SLC25A43: variants seen among roughly 807,000 people sequenced by gnomAD.
SLC25A43 encodes solute carrier family 25, member 43.
In SLC25A43, 10 loss-of-function variants were observed where a neutral mutation model predicts 22.8. The observed-to-expected ratio is 0.44, with a 90% confidence interval of 0.27 to 0.74. The LOEUF is 0.74. Ranked by LOEUF, SLC25A43 falls within the 30% of genes least tolerant of loss-of-function variation. The probability of loss-of-function intolerance (pLI) is 0.17; values close to 1 mark genes in which losing one functional copy is unlikely to be tolerated. For synonymous variants in SLC25A43, 106 were observed against 121.6 expected (o/e 0.87, Z 0.84); for missense variants, 233 against 279.1 (o/e 0.83, Z 1.18).
intron 1 of SLC25A43, among the ~76,000 whole-genome samples, chrX:119,401,828 G>A (rs1382431152): frequency 9.1e-6 from 1 of 110,241 alleles, no homozygotes; most frequent in African/African-American, 3.3e-5. Flanking sequence ...AGTGGAGACA[G>A]CAGGGCCAGT....
chrX:119,414,331 AT>A (rs1358131242), intron 3 of SLC25A43, among the ~76,000 whole-genome samples: 1 of 111,423 alleles, frequency 9.0e-6, no homozygotes, highest in African/African-American at 3.3e-5. Flanking sequence ...CATTTCATAT[AT>A]TTTTCCCAGT....
At chrX:119,451,987 C>T (rs1049498725) in intron 3 of SLC25A43, 22 bp from the exon 4 acceptor site, 28 of 1,208,224 alleles carry the variant, frequency 2.3e-5, no homozygotes, top group Non-Finnish European at 3.0e-5. Context: ...ATCACCTCAT[C>T]CCAGCTTCTG....
intron 3 of SLC25A43, among the ~76,000 whole-genome samples, chrX:119,445,598 G>A (rs1232681940): frequency 1.8e-5 from 2 of 111,953 alleles, no homozygotes; most frequent in Admixed American, 9.5e-5. Flanking sequence ...GGATCCTGGA[G>A]TACAGATTGC....
At position 119,399,367 on chromosome X, in the gene SLC25A43, C is replaced by T. The variant is rs1410936483; in HGVS notation, c.-37C>T. ...GCCCGTGGCCGGAGAGCCCCAGGCC[C>T]GAGCCACGCGGTCTTCCGGGCCCGG... is the stretch of plus-strand genomic sequence containing the variant. On this transcript the variant is annotated 5_prime_UTR_variant, in exon 1 of 5. Transcript: ENST00000217909. The T allele has an allele frequency of 1.1e-6, 1 of 950,290 alleles. No homozygotes were observed. The highest frequency in any genetic ancestry group is 1.3e-6 in the Non-Finnish European group (1 of 757,616). The allele number at this position is 950,290 out of a possible 1,213,427, so 78.3% of individuals were successfully genotyped here. A position where few individuals can be genotyped will look rare whatever the true frequency, so the allele number is the denominator to read the frequency against.
intron 1 of SLC25A43, among the ~76,000 whole-genome samples, chrX:119,404,820 T>TAA (rs36122726): frequency 6.2e-4 from 63 of 102,028 alleles, no homozygotes; most frequent in Middle Eastern, 4.9e-3. Context: ...GCTGATGAGC[T>TAA]AAAAAAAAAA....
At chrX:119,408,307 C>T (rs768582328) in intron 2 of SLC25A43, among the ~76,000 whole-genome samples, 2 of 111,697 alleles carry the variant, frequency 1.8e-5, no homozygotes, top group Non-Finnish European at 3.8e-5. Flanking sequence ...CTGTCAAAGT[C>T]TGATGAACTC....
At chrX:119,430,474 G>A (rs1215568589) in intron 3 of SLC25A43, among the ~76,000 whole-genome samples, 2 of 111,822 alleles carry the variant, frequency 1.8e-5, no homozygotes, top group African/African-American at 6.5e-5. Context: ...CAGGGGGACC[G>A]AGTCCAAACA....
Position 119,399,655 on chromosome X carries a change from C to G in SLC25A43, c.252C>G (p.Ala84=). 6.1e-6 allele frequency: 6 copies of G among 981,273 alleles called. No homozygotes were observed. The highest frequency in any genetic ancestry group is 7.7e-6 in the Non-Finnish European group (6 of 782,352). The allele number at this position is 981,273 out of a possible 1,213,427, so 80.9% of individuals were successfully genotyped here. ...VACLRLFPCS[A]VQLAAYRKFV... ...GCCTGCGCCTCTTCCCCTGCAGCGC[C>G]GTGCAGCTCGCCGCCTACCGCAAGT... Residue 84 remains alanine, a synonymous_variant, in exon 1 of 5, where the codon GCC becomes GCG. Transcript: ENST00000217909.
intron 3 of SLC25A43, among the ~76,000 whole-genome samples, chrX:119,433,222 G>A (rs2052569473): frequency 8.9e-6 from 1 of 112,285 alleles, no homozygotes; most frequent in Non-Finnish European, 1.9e-5. Flanking sequence ...GGTGACTAGG[G>A]AGAGTTGATG....
chrX:119,410,390 G>A, intron 3 of SLC25A43, 28 bp downstream of exon 3: 1 of 1,200,216 alleles, frequency 8.3e-7, no homozygotes, highest in Non-Finnish European at 1.1e-6. Context: ...TGGGGTAGGG[G>A]GTGGAATGCT....
At chrX:119,415,250 T>C (rs2052389690) in intron 3 of SLC25A43, among the ~76,000 whole-genome samples, 1 of 110,712 alleles carries the variant, frequency 9.0e-6, no homozygotes, top group Non-Finnish European at 1.9e-5. Flanking sequence ...TTTGTATTTT[T>C]TGTAGAGACA....
chrX:119,410,120 C>CA (rs2052336438), intron 2 of SLC25A43, 70 bp from the exon 3 acceptor site: 1 of 1,121,966 alleles, frequency 8.9e-7, no homozygotes, highest in African/African-American at 1.8e-5. Context: ...GGAATCCCCC[C>CA]AGGAATTTAT....
chrX:119,424,365 G>A (rs1357759223), intron 3 of SLC25A43, among the ~76,000 whole-genome samples: 1 of 111,624 alleles, frequency 9.0e-6, no homozygotes, highest in Non-Finnish European at 1.9e-5. Context: ...TTATAGATGA[G>A]GAAACAAGGC....
intron 3 of SLC25A43, among the ~76,000 whole-genome samples, chrX:119,442,026 G>T (rs1015670764): frequency 1.3e-4 from 14 of 111,478 alleles, no homozygotes; most frequent in African/African-American, 4.2e-4. Flanking sequence ...GGAGACGGAG[G>T]TTGCAATGAG....
At chrX:119,418,998 CAG>C (rs1362324444) in intron 3 of SLC25A43, among the ~76,000 whole-genome samples, 2 of 112,545 alleles carry the variant, frequency 1.8e-5, no homozygotes, top group Non-Finnish European at 3.8e-5. Flanking sequence ...AAAATATTGA[CAG>C]AGATGAATTC....
intron 3 of SLC25A43, among the ~76,000 whole-genome samples, chrX:119,445,610 G>A (rs964952326): frequency 8.9e-6 from 1 of 111,973 alleles, no homozygotes; most frequent in Admixed American, 9.5e-5. Flanking sequence ...ACAGATTGCA[G>A]TGGCCCAGTA....
chrX:119,418,216 G>A (rs1156243922), intron 3 of SLC25A43, among the ~76,000 whole-genome samples: 2 of 111,596 alleles, frequency 1.8e-5, no homozygotes, highest in Non-Finnish European at 3.8e-5. Context: ...ACTGTTACTT[G>A]TCCTACAAAG....
chrX:119,451,289 A>G (rs1333793323), intron 3 of SLC25A43, among the ~76,000 whole-genome samples: 1 of 112,161 alleles, frequency 8.9e-6, no homozygotes, highest in East Asian at 2.8e-4. Flanking sequence ...CCAAAATGGT[A>G]TAAAGGTGAG....
chrX:119,433,935 G>A (rs748513708), intron 3 of SLC25A43, among the ~76,000 whole-genome samples: 9 of 112,176 alleles, frequency 8.0e-5, no homozygotes, highest in African/African-American at 1.9e-4. Context: ...GATAATGGGG[G>A]ACCCACTGAA....
Sources: gnomAD v4.1 joint callset for allele counts (sites outside exome capture counted in the v4.1 genomes callset) on GRCh38, gnomAD v4.1.1 for gene constraint, MANE v1.5 for transcripts, NCBI Gene and HGNC (gene_info 2026-07-23, HGNC 2026-07-21) for gene names.